LAMA1: variants seen among roughly 807,000 people sequenced by gnomAD.
LAMA1 encodes the protein laminin subunit alpha 1, also known as laminin subunit alpha-1.
A neutral mutation model predicts 348.7 loss-of-function variants in LAMA1; 219 were observed. The observed-to-expected ratio is 0.63, with a 90% CI of 0.56 to 0.70. The LOEUF is 0.70. Ranked by LOEUF, LAMA1 falls within the 30% of genes least tolerant of loss-of-function variation. The pLI, the probability that LAMA1 is intolerant of heterozygous loss-of-function variation, is 0.00. For missense variants in LAMA1, 3,744 were observed against 3,888.0 expected (o/e 0.96, Z 0.99); for synonymous variants, 1,487 against 1,491.0 (o/e 1.00, Z 0.06).
chr18:7,085,124 G>C (rs1266115407), intron 1 of LAMA1, among the ~76,000 whole-genome samples: 1 of 151,938 alleles, frequency 6.6e-6, no homozygotes, highest in Non-Finnish European at 1.5e-5. Flanking sequence ...AAAATGATTT[G>C]CAATTCTTAG....
chr18:6,955,540 G>T, intron 56 of LAMA1, 75 bp from the exon 57 acceptor site: 2 of 1,021,324 alleles, frequency 2.0e-6, no homozygotes, highest in Non-Finnish European at 3.1e-6. Context: ...GTTCCGCCAT[G>T]AAGGGCCATC....
chr18:7,011,269 C>T (rs370970641), intron 25 of LAMA1, 31 bp downstream of exon 25: 110 of 1,606,728 alleles, frequency 6.8e-5, no homozygotes, highest in Non-Finnish European at 8.3e-5. Context: ...TAGGAAGCAC[C>T]GACTGGCTCT....
At chr18:7,089,150 AG>A (rs1485129409) in intron 1 of LAMA1, among the ~76,000 whole-genome samples, 1 of 152,138 alleles carries the variant, frequency 6.6e-6, no homozygotes, top group Non-Finnish European at 1.5e-5. Flanking sequence ...AGGCTGAGGC[AG>A]GCGAATCACT....
chr18:7,077,162 C>T (rs1176728999), intron 3 of LAMA1, among the ~76,000 whole-genome samples: 2 of 151,462 alleles, frequency 1.3e-5, no homozygotes, highest in African/African-American at 4.8e-5. Context: ...CCTAAAGCAG[C>T]CTATAACTAT....
chr18:7,068,243 C>A (rs1026446084), intron 3 of LAMA1, among the ~76,000 whole-genome samples: 2 of 152,216 alleles, frequency 1.3e-5, no homozygotes, highest in Non-Finnish European at 2.9e-5. Flanking sequence ...TCAGCAGAAG[C>A]CTATTTTTCC....
rs1206058601 is a variant in LAMA1, at chr18:7,117,710, C to G, written c.11G>C (p.Gly4Ala). The G allele has an allele frequency of 6.3e-7, 1 of 1,598,386 alleles. No homozygotes were observed. The highest frequency in any genetic ancestry group is 1.1e-5 in the South Asian group (1 of 90,842). Residue 4 changes from glycine to alanine, a missense_variant, in exon 1 of 63, where the codon GGC (glycine) becomes GCC (alanine). Physicochemically the swap from Gly to Ala is moderately conservative, Grantham distance 60 (BLOSUM62 0). Coordinates refer to ENST00000389658, the MANE Select transcript of LAMA1 (RefSeq NM_005559.4). MRG[G>A]VLLVLLLCVA... ...ACACAGCAGCAAGACCAGGAGCACG[C>G]CCCCGCGCATCTCGCCTCCGCCGCC...
chr18:6,999,363 C>G, intron 32 of LAMA1, 82 bp downstream of exon 32: 2 of 1,374,744 alleles, frequency 1.5e-6, no homozygotes, highest in Non-Finnish European at 2.1e-6. Context: ...TCTGCAGACA[C>G]TTTAGCGTGC....
rs774816433 is a variant in LAMA1 at position 6,996,189 on chromosome 18, A to G, written c.4807-743T>C. 5.3e-5 allele frequency among the ~76,000 whole-genome samples: 8 copies of G among 152,246 alleles called. No homozygotes were observed. The South Asian group carries it at 1.5e-3, about 28-fold the overall frequency. On this transcript the variant is annotated intron_variant, in intron 33 of 62. Transcript: ENST00000389658. ...CAAAAACACTTTGTGACGTTTGAGG[A>G]AAGTATAACATAAAAACATCTCTTA... is the stretch of plus-strand genomic sequence containing the variant.
chr18:6,948,045 C>A (rs754046838), intron 60 of LAMA1, among the ~76,000 whole-genome samples: 1 of 152,296 alleles, frequency 6.6e-6, no homozygotes, highest in South Asian at 2.1e-4. Flanking sequence ...GCCTCCCTGG[C>A]GCCAGCTGGT....
intron 3 of LAMA1, among the ~76,000 whole-genome samples, chr18:7,077,917 T>C (rs1039895002): frequency 8.6e-5 from 13 of 151,094 alleles, no homozygotes; most frequent in African/African-American, 4.9e-5. Context: ...TCACCTGAGA[T>C]CAGAAGTTCG....
intron 3 of LAMA1, among the ~76,000 whole-genome samples, chr18:7,069,398 G>T (rs963781586): frequency 2.0e-5 from 3 of 152,204 alleles, no homozygotes; most frequent in African/African-American, 4.8e-5. Context: ...AGGCTGCAAA[G>T]ATTAAAGCCT....
At chr18:6,987,839 G>A (rs1006894315) in intron 36 of LAMA1, among the ~76,000 whole-genome samples, 2 of 152,066 alleles carry the variant, frequency 1.3e-5, no homozygotes, top group African/African-American at 4.8e-5. Flanking sequence ...TTATGAGCAG[G>A]CAACAAGAAC....
At chr18:7,047,355 A>G (rs1222687834) in intron 5 of LAMA1, among the ~76,000 whole-genome samples, 2 of 152,128 alleles carry the variant, frequency 1.3e-5, no homozygotes, top group South Asian at 2.1e-4. Flanking sequence ...TTTTTTCATT[A>G]TTGAACATTG....
chr18:6,980,579 A>T lies in LAMA1; in HGVS notation c.5949T>A (p.Ala1983=), dbSNP rs1467837425. The stretch of plus-strand genomic sequence containing the variant: ...CATTGGTTTGCCTGGTAATTTCAAC[A>T]GCATTCTCTTGAAATCTGTTTGTCT... ...RNKTNRFQEN[A]VEITRQTNES... Residue 1983 remains alanine, a synonymous_variant, in exon 42 of 63, where the codon GCT becomes GCA. Transcript: ENST00000389658. 6.2e-7 allele frequency: 1 copy of T among 1,613,792 alleles called. No homozygotes were observed. The highest frequency in any genetic ancestry group is 2.2e-5 in the East Asian group (1 of 44,860).
chr18:6,984,009 TAA>T (rs34978119), intron 39 of LAMA1, among the ~76,000 whole-genome samples: 103,383 of 151,864 alleles, frequency 0.68, 36,029 homozygotes, highest in East Asian at 0.87. Context: ...AACTTTGTGT[TAA>T]ATCACAACAA....
intron 33 of LAMA1, among the ~76,000 whole-genome samples, chr18:6,997,153 T>C (rs887688990): frequency 1.3e-5 from 2 of 150,584 alleles, no homozygotes; most frequent in Non-Finnish European, 3.0e-5. Flanking sequence ...AACCTCCACC[T>C]CCCAGGTTCA....
chr18:6,968,039 A>G (rs1281923386), intron 48 of LAMA1, among the ~76,000 whole-genome samples: 3 of 152,138 alleles, frequency 2.0e-5, no homozygotes, highest in Non-Finnish European at 4.4e-5. Context: ...TTTCCAGACT[A>G]TGACCAGAGG....
intron 60 of LAMA1, 79 bp downstream of exon 60, chr18:6,948,324 T>C: frequency 1.9e-6 from 3 of 1,576,358 alleles, no homozygotes; most frequent in Non-Finnish European, 2.6e-6. Context: ...GTGGGTCCTG[T>C]CTTATACTCT....
chr18:7,019,697 TTTG>T (rs1200635636), intron 19 of LAMA1, among the ~76,000 whole-genome samples: 17 of 139,698 alleles, frequency 1.2e-4, no homozygotes, highest in South Asian at 2.2e-4. Flanking sequence ...TTTTTTTTTT[TTTG>T]AGACAGGGTC....
Sources: allele counts gnomAD v4.1 joint callset (sites outside exome capture counted in the v4.1 genomes callset), GRCh38; gene constraint gnomAD v4.1.1; transcripts MANE v1.5; gene names NCBI Gene and HGNC (gene_info 2026-07-23, HGNC 2026-07-21).